CEP128: variants seen among roughly 807,000 people sequenced by gnomAD.
CEP128 encodes centrosomal protein 128, also known as centrosomal protein 128kDa.
In CEP128, 132 loss-of-function variants were observed where a neutral mutation model predicts 156.7. The ratio of observed to expected loss-of-function variants is 0.84; its 90% confidence interval spans 0.73 to 0.97. The LOEUF (loss-of-function observed/expected upper bound fraction) is 0.97. Ranked by LOEUF, CEP128 falls within the 50% of genes least tolerant of loss-of-function variation. The pLI is 0.00. For missense variants in CEP128, 1,252 were observed against 1,281.9 expected (o/e 0.98, Z 0.36); for synonymous variants, 469 against 448.9 (o/e 1.04, Z -0.57).
chr14:80,623,386 C>A (rs1192078884), intron 19 of CEP128, among the ~76,000 whole-genome samples: 3 of 151,252 alleles, frequency 2.0e-5, no homozygotes, highest in African/African-American at 7.3e-5. Flanking sequence ...GTGCAGCACA[C>A]CAGCATGGCA....
intron 21 of CEP128, among the ~76,000 whole-genome samples, chr14:80,551,184 T>G (rs572208507): frequency 1.9e-4 from 29 of 152,312 alleles, no homozygotes; most frequent in African/African-American, 7.0e-4. Flanking sequence ...AGAAACCACC[T>G]GACTTACCAA....
At chr14:80,491,851 A>C (rs548523369), downstream of CEP128, among the ~76,000 whole-genome samples, 20 of 152,336 alleles carry the variant, frequency 1.3e-4, no homozygotes, top group East Asian at 3.7e-3. Flanking sequence ...ATGAAGTGCT[A>C]CCACAGTTTT....
chr14:80,525,981 C>G (rs1157006858), intron 23 of CEP128, among the ~76,000 whole-genome samples: 1 of 112,988 alleles, frequency 8.9e-6, no homozygotes, highest in Non-Finnish European at 2.0e-5. Flanking sequence ...TATAAAAAAG[C>G]CAGAAAACCT....
At chr14:80,666,458 T>C (rs1895617382) in intron 19 of CEP128, among the ~76,000 whole-genome samples, 1 of 152,182 alleles carries the variant, frequency 6.6e-6, no homozygotes, top group Admixed American at 6.5e-5. Context: ...CTCACAGGCC[T>C]CTGGTCATGG....
chr14:80,802,720 T>C (rs959546818), intron 13 of CEP128, among the ~76,000 whole-genome samples: 2 of 152,190 alleles, frequency 1.3e-5, no homozygotes, highest in East Asian at 1.9e-4. Flanking sequence ...TTGACTTGGA[T>C]ACTGAAATCC....
intron 19 of CEP128, among the ~76,000 whole-genome samples, chr14:80,633,581 C>A (rs1164668161): frequency 6.6e-6 from 1 of 152,160 alleles, no homozygotes; most frequent in African/African-American, 2.4e-5. Flanking sequence ...AACAAGATTT[C>A]TAATCTTAAC....
chr14:80,513,493 A>G (rs1268863272), intron 23 of CEP128, among the ~76,000 whole-genome samples: 1 of 152,090 alleles, frequency 6.6e-6, no homozygotes, highest in Non-Finnish European at 1.5e-5. Flanking sequence ...CCGTACTTAA[A>G]TATTTATATC....
rs115081051 is a variant in CEP128, at chr14:80,692,605, T to C, written c.2806+50470A>G. Among the ~76,000 whole-genome samples, 710 of 152,284 alleles carry C rather than the reference T, an allele frequency of 4.7e-3. 6 individuals are homozygous for C. Among genetic ancestry groups the C allele is most frequent in the African/African-American group, 0.016 (674 of 41,564 alleles). The stretch of plus-strand genomic sequence containing the variant: ...CTCCTTAGTCAGTGGCATTAATTAT[T>C]CTTGACTATTTTAAGCAGATTGCAA... On this transcript the variant is annotated intron_variant, in intron 19 of 24. Transcript: ENST00000555265.
intron 18 of CEP128, among the ~76,000 whole-genome samples, chr14:80,746,381 A>G (rs912801957): frequency 6.6e-6 from 1 of 152,212 alleles, no homozygotes; most frequent in African/African-American, 2.4e-5. Flanking sequence ...GTATTGGCAT[A>G]AGGACAGATA....
At chr14:80,617,472 T>G (rs1893272690) in intron 19 of CEP128, among the ~76,000 whole-genome samples, 1 of 152,046 alleles carries the variant, frequency 6.6e-6, no homozygotes, top group African/African-American at 2.4e-5. Context: ...CCTGACCTCA[T>G]GATCCGCCGG....
At chr14:80,595,160 A>C (rs941052669) in intron 19 of CEP128, among the ~76,000 whole-genome samples, 2 of 152,258 alleles carry the variant, frequency 1.3e-5, no homozygotes, top group African/African-American at 4.8e-5. Flanking sequence ...GGATGAGTTC[A>C]TGTCTTTGCA....
At chr14:80,623,070 C>A (rs1214506713) in intron 19 of CEP128, among the ~76,000 whole-genome samples, 2 of 152,100 alleles carry the variant, frequency 1.3e-5, no homozygotes, top group East Asian at 3.9e-4. Flanking sequence ...AAATGTCCAA[C>A]AATGACAGAC....
chr14:80,718,484 T>G (rs1897693053), intron 19 of CEP128, among the ~76,000 whole-genome samples: 1 of 152,226 alleles, frequency 6.6e-6, no homozygotes, highest in African/African-American at 2.4e-5. Flanking sequence ...CATTTTGTAT[T>G]ATACACATAT....
At chr14:80,764,618 G>A (rs376214999) in intron 16 of CEP128, among the ~76,000 whole-genome samples, 2 of 152,104 alleles carry the variant, frequency 1.3e-5, no homozygotes, top group African/African-American at 4.8e-5. Context: ...GTAGGACTAT[G>A]GGCTCACATG....
At chr14:80,913,462 A>G (rs1722581773) in intron 4 of CEP128, among the ~76,000 whole-genome samples, 1 of 152,246 alleles carries the variant, frequency 6.6e-6, no homozygotes. Flanking sequence ...GTAAATACAT[A>G]GAAAATGTTT....
rs530492486 is a variant in CEP128 at position 80,553,087 on chromosome 14, T to C, written c.2880+6192A>G. Among the ~76,000 whole-genome samples, 50 of 151,636 alleles carry C rather than the reference T, an allele frequency of 3.3e-4. 1 individual carries two copies. The East Asian group carries it at 8.5e-3, about 26-fold the overall frequency. The stretch of plus-strand genomic sequence containing the variant: ...GTTTTCTTTCTTTCTTTCTTTCTTT[T>C]TTTTAATTATACTTTAAGGTCTGGG... On this transcript the variant is annotated intron_variant, in intron 21 of 24. Coordinates refer to ENST00000555265, the MANE Select transcript of CEP128 (RefSeq NM_152446.5).
chr14:80,954,034 C>T (rs754318076), intron 2 of CEP128, among the ~76,000 whole-genome samples: 1 of 152,132 alleles, frequency 6.6e-6, no homozygotes, highest in African/African-American at 2.4e-5. Context: ...CTTTGGGAGG[C>T]CGAGGCGGGC....
chr14:80,856,545 G>A (rs1452526912), intron 9 of CEP128, among the ~76,000 whole-genome samples: 2 of 151,852 alleles, frequency 1.3e-5, no homozygotes, highest in Non-Finnish European at 2.9e-5. Context: ...TTGGGAAGCT[G>A]AGGTAGAAGG....
chr14:80,792,253 C>T (rs1178086836), intron 14 of CEP128, among the ~76,000 whole-genome samples: 1 of 152,230 alleles, frequency 6.6e-6, no homozygotes, highest in Non-Finnish European at 1.5e-5. Flanking sequence ...ACTGCTCAGT[C>T]AGTGAGATCC....
Sources: gnomAD v4.1 joint callset for allele counts (sites outside exome capture counted in the v4.1 genomes callset) on GRCh38, gnomAD v4.1.1 for gene constraint, MANE v1.5 for transcripts, NCBI Gene and HGNC (gene_info 2026-07-23, HGNC 2026-07-21) for gene names.